Variants in COL4A2 observed in about 807,000 individuals in gnomAD.
COL4A2 encodes the protein collagen type IV alpha 2 chain, also known as collagen alpha-2(IV) chain.
A neutral mutation model predicts 200.2 loss-of-function variants in COL4A2; 99 were observed. The ratio of observed to expected loss-of-function variants is 0.49; its 90% confidence interval spans 0.42 to 0.58. The LOEUF is 0.58. Among genes scored for constraint, COL4A2 ranks in the 20% least tolerant of loss-of-function variants. COL4A2 has a pLI of 0.00. For missense variants in COL4A2, 1,950 were observed against 2,314.1 expected, an observed-to-expected ratio of 0.84 and a Z score of 3.23; for synonymous variants, 897 against 900.6, an observed-to-expected ratio of 1.00 and a Z score of 0.07.
At chr13:110,415,411 G>A (rs1880002546) in intron 4 of COL4A2, among the ~76,000 whole-genome samples, 1 of 152,162 alleles carries the variant, frequency 6.6e-6, no homozygotes, top group Non-Finnish European at 1.5e-5. Flanking sequence ...AACAGAAAAG[G>A]TGGAGTTCTA....
intron 31 of COL4A2, among the ~76,000 whole-genome samples, chr13:110,482,265 C>T (rs1263363719): frequency 6.6e-6 from 1 of 152,244 alleles, no homozygotes; most frequent in Non-Finnish European, 1.5e-5. Flanking sequence ...AGCCTTCCTG[C>T]CTGATCTTTG....
At chr13:110,368,369 C>T (rs1018362719) in intron 4 of COL4A2, among the ~76,000 whole-genome samples, 1 of 152,220 alleles carries the variant, frequency 6.6e-6, no homozygotes, top group Admixed American at 6.5e-5. Context: ...GAAAGTTCCT[C>T]TTCTTCCAAA....
chr13:110,480,485 C>A, intron 31 of COL4A2, 95 bp downstream of exon 31: 1 of 1,334,788 alleles, frequency 7.5e-7, no homozygotes, highest in Non-Finnish European at 1.0e-6. Context: ...CTCTGTGGGC[C>A]GTGGGGCTGG....
At position 110,506,281 on chromosome 13, in the gene COL4A2, G is replaced by A. The variant is rs111713936; in HGVS notation, c.4403-134G>A. The stretch of plus-strand genomic sequence containing the variant: ...CACTCTCTCTCTCTCTCTCTCTCTC[G>A]GGCTGCAGGTGCACCAGGCCGTCCA... On this transcript the variant is annotated intron_variant, in intron 45 of 47. Transcript: ENST00000360467. The A allele has an allele frequency of 8.4e-5, 69 of 820,864 alleles. 1 individual carries two copies. The highest frequency in any genetic ancestry group is 8.0e-4 in the East Asian group (27 of 33,942). 50.8% of individuals were successfully genotyped at this position (820,864 alleles called of 1,614,324 possible).
At chr13:110,465,226 G>A (rs1268008998) in intron 24 of COL4A2, among the ~76,000 whole-genome samples, 179 bp from the exon 25 acceptor site, 2 of 152,222 alleles carry the variant, frequency 1.3e-5, no homozygotes, top group East Asian at 1.9e-4. Context: ...CTGCTACACA[G>A]TCTGTCACTG....
At chr13:110,345,764 A>G (rs565227540) in intron 3 of COL4A2, among the ~76,000 whole-genome samples, 76 of 152,238 alleles carry the variant, frequency 5.0e-4, no homozygotes, top group African/African-American at 1.7e-3. Flanking sequence ...GTTTCTGGCA[A>G]TTGGTCCACT....
intron 28 of COL4A2, among the ~76,000 whole-genome samples, chr13:110,470,005 T>G (rs1249845419): frequency 6.9e-6 from 1 of 144,948 alleles, no homozygotes; most frequent in Non-Finnish European, 1.5e-5. Context: ...ACCTCCGCCT[T>G]CTGGGTTCAA....
intron 3 of COL4A2, among the ~76,000 whole-genome samples, chr13:110,310,879 A>G (rs1417798608): frequency 2.0e-5 from 3 of 152,156 alleles, no homozygotes; most frequent in African/African-American, 4.8e-5. Context: ...TATTACCCCC[A>G]TTTTACAGGT....
At chr13:110,379,060 G>A (rs970219016) in intron 4 of COL4A2, among the ~76,000 whole-genome samples, 1 of 152,182 alleles carries the variant, frequency 6.6e-6, no homozygotes, top group Non-Finnish European at 1.5e-5. Flanking sequence ...CCGCAGGCAC[G>A]GAGAAGACTG....
chr13:110,337,301 C>G (rs139941815), intron 3 of COL4A2, among the ~76,000 whole-genome samples: 100 of 152,328 alleles, frequency 6.6e-4, no homozygotes, highest in African/African-American at 2.3e-3. Context: ...GGACACTGTA[C>G]CCTGCTGTTT....
Position 110,368,253 on chromosome 13 carries a change from G to A in COL4A2, c.180+10701G>A, listed in dbSNP as rs144785270. On this transcript the variant is annotated intron_variant, in intron 4 of 47. Transcript: ENST00000360467. The stretch of plus-strand genomic sequence containing the variant: ...GTAACTTAAGGAAAGACAAAAAGGC[G>A]TAGGTTTATATATATCCAGAGTAAA... 8.1e-4 allele frequency among the ~76,000 whole-genome samples: 123 copies of A among 152,288 alleles called. 3 individuals carry two copies. The highest frequency in any genetic ancestry group is 2.7e-3 in the African/African-American group (114 of 41,584).
chr13:110,423,019 G>A (rs1880313807), intron 4 of COL4A2, among the ~76,000 whole-genome samples: 1 of 118,692 alleles, frequency 8.4e-6, no homozygotes, highest in South Asian at 3.2e-4. Context: ...CAGAAGAAAA[G>A]CCTAGAAAAA....
intron 4 of COL4A2, 22 bp from the exon 5 acceptor site, chr13:110,424,712 T>C (rs748175830): frequency 1.9e-6 from 3 of 1,542,714 alleles, no homozygotes; most frequent in South Asian, 1.2e-5. Flanking sequence ...TCGTGGAAAT[T>C]GAACCTTTGT....
At chr13:110,400,799 A>T (rs1879346933) in intron 4 of COL4A2, among the ~76,000 whole-genome samples, 1 of 152,194 alleles carries the variant, frequency 6.6e-6, no homozygotes, top group South Asian at 2.1e-4. Flanking sequence ...ACGTACACAT[A>T]TTCTGGTTAC....
At chr13:110,475,872 C>T (rs984544138) in intron 29 of COL4A2, among the ~76,000 whole-genome samples, 1 of 152,230 alleles carries the variant, frequency 6.6e-6, no homozygotes, top group East Asian at 1.9e-4. Flanking sequence ...CCTTTTTTAA[C>T]AGATAGTCTA....
intron 4 of COL4A2, among the ~76,000 whole-genome samples, chr13:110,383,183 A>T (rs529936678): frequency 3.3e-5 from 5 of 152,356 alleles, no homozygotes; most frequent in Non-Finnish European, 7.3e-5. Flanking sequence ...CCACGCTAGG[A>T]TGTGGCCTTT....
intron 44 of COL4A2, 22 bp downstream of exon 44, chr13:110,504,015 T>C (rs753957676): frequency 1.5e-5 from 23 of 1,551,408 alleles, no homozygotes; most frequent in South Asian, 9.7e-5. Context: ...AGCTGGGGCC[T>C]GGAGCCCCTC....
intron 4 of COL4A2, among the ~76,000 whole-genome samples, chr13:110,413,635 G>C (rs1879933248): frequency 6.6e-6 from 1 of 152,254 alleles, no homozygotes; most frequent in African/African-American, 2.4e-5. Context: ...GGGAAGGGGT[G>C]TGCCAGGGCA....
intron 4 of COL4A2, among the ~76,000 whole-genome samples, chr13:110,378,021 G>A (rs1012549829): frequency 6.6e-6 from 1 of 152,158 alleles, no homozygotes; most frequent in African/African-American, 2.4e-5. Flanking sequence ...AATAACCCAC[G>A]GCTTGTAAGA....
Sources: gnomAD v4.1 joint callset for allele counts (sites outside exome capture counted in the v4.1 genomes callset) on GRCh38, gnomAD v4.1.1 for gene constraint, MANE v1.5 for transcripts, NCBI Gene and HGNC (gene_info 2026-07-23, HGNC 2026-07-21) for gene names.